Variants in TEX101 observed in about 807,000 individuals in gnomAD.
The protein encoded by TEX101 is testis-expressed protein 101.
In TEX101, 10 loss-of-function variants were observed where a neutral mutation model predicts 18.1. The observed-to-expected ratio is 0.55, with a 90% CI of 0.34 to 0.94. The LOEUF is 0.94. Among genes scored for constraint, TEX101 ranks in the 40% least tolerant of loss-of-function variants. The pLI, the probability that TEX101 is intolerant of heterozygous loss-of-function variation, is 0.02. For synonymous variants in TEX101, 94 were observed against 114.8 expected, an observed-to-expected ratio of 0.82 and a Z score of 1.16; for missense variants, 259 against 298.9, an observed-to-expected ratio of 0.87 and a Z score of 0.98.
upstream of TEX101, chr19:43,414,767 T>C: frequency 2.2e-6 from 2 of 897,902 alleles, no homozygotes; most frequent in Non-Finnish European, 2.7e-6. Flanking sequence ...AGGAATTGAC[T>C]TCTCTGTGGC....
chr19:43,396,339 C>A, the TEX101 span, among the ~76,000 whole-genome samples: 1 of 152,234 alleles, frequency 6.6e-6, no homozygotes, highest in Non-Finnish European at 1.5e-5. Flanking sequence ...CTTTTACGAT[C>A]TGAATAGCCC....
Position 43,403,083 on chromosome 19 carries a change from G to A in TEX101, c.-283+224G>A, listed in dbSNP as rs115714240. On this transcript the variant is annotated intron_variant, in intron 2 of 7. Transcript: ENST00000602198. ...TCCCATATCCCAACTGCCATCTGGC[G>A]ATAAAGAGTTCTCAGAAAGCAGAAT... 7.6e-3 allele frequency among the ~76,000 whole-genome samples: 1,160 copies of A among 152,228 alleles called. 13 individuals carry two copies. The highest frequency in any genetic ancestry group is 0.027 in the African/African-American group (1,104 of 41,536).
At chr19:43,389,223 C>G in the TEX101 span, among the ~76,000 whole-genome samples, 1 of 152,210 alleles carries the variant, frequency 6.6e-6, no homozygotes, top group East Asian at 1.9e-4. Flanking sequence ...GGGGAATGTT[C>G]TGTCTTCCCA....
At chr19:43,416,284 TG>T in intron 3 of TEX101, 42 bp downstream of exon 3, 1 of 1,589,394 alleles carries the variant, frequency 6.3e-7, no homozygotes, top group Non-Finnish European at 8.6e-7. Flanking sequence ...GGAGGGAGGT[TG>T]ATTATCTCCA....
chr19:43,391,261 C>T, the TEX101 span, among the ~76,000 whole-genome samples: 1 of 152,108 alleles, frequency 6.6e-6, no homozygotes, highest in African/African-American at 2.4e-5. Flanking sequence ...CGGAATATAC[C>T]AGAAGCCGAA....
At position 43,418,221 on chromosome 19, in the gene TEX101, A is replaced by G; in HGVS notation, c.574A>G (p.Arg192Gly). ...VKGCTAMIGC[R>G]LMSGILAVGP... ...AGGCTGTACAGCCATGATTGGCTGC[A>G]GGCTGATGTCTGGAATCTTAGCAGT... The change falls in exon 6 of 6, where the codon AGG becomes GGG. Residue 192 changes from arginine to glycine, a missense_variant. Physicochemically the swap from Arg to Gly is moderately radical, Grantham distance 125 (BLOSUM62 -2). Transcript: ENST00000598265. The G allele has an allele frequency of 1.9e-6, 3 of 1,614,184 alleles. No individual in the cohort carries two copies. The highest frequency in any genetic ancestry group is 1.1e-5 in the South Asian group (1 of 91,090).
the TEX101 span, among the ~76,000 whole-genome samples, chr19:43,393,103 GGAAA>G: frequency 6.2e-4 from 90 of 144,436 alleles, no homozygotes; most frequent in South Asian, 1.7e-3. Context: ...AAGGAAGGAA[GGAAA>G]GAAAGAAGGA....
intron 3 of TEX101, among the ~76,000 whole-genome samples, chr19:43,406,931 GTTTTTTTT>G (rs1002990799): frequency 2.6e-5 from 3 of 116,108 alleles, no homozygotes; most frequent in South Asian, 2.9e-4. Context: ...TTTGTTTTTT[GTTTTTTTT>G]TTTTTTTTTG....
At chr19:43,396,982 A>G (rs992172107), upstream of TEX101, among the ~76,000 whole-genome samples, 21 of 151,566 alleles carry the variant, frequency 1.4e-4, no homozygotes, top group Non-Finnish European at 2.5e-4. Flanking sequence ...GACTACAGGC[A>G]CCCGCCACCA....
upstream of TEX101, among the ~76,000 whole-genome samples, chr19:43,400,211 T>C (rs564723457): frequency 6.0e-4 from 92 of 152,350 alleles, no homozygotes; most frequent in Admixed American, 2.9e-3. Context: ...TCTTACTTCA[T>C]ATCTGAAATC....
chr19:43,412,200 T>C (rs894153929), upstream of TEX101, among the ~76,000 whole-genome samples: 4 of 152,112 alleles, frequency 2.6e-5, no homozygotes, highest in African/African-American at 9.7e-5. Context: ...GGTGCCAGCA[T>C]CTCCTTCTGG....
chr19:43,392,966 G>A, the TEX101 span, among the ~76,000 whole-genome samples: 1 of 152,110 alleles, frequency 6.6e-6, no homozygotes, highest in Admixed American at 6.6e-5. Flanking sequence ...GCTGAGGCAG[G>A]AGAGTCACTT....
At chr19:43,414,254 C>T (rs112497809), upstream of TEX101, among the ~76,000 whole-genome samples, 57 of 152,294 alleles carry the variant, frequency 3.7e-4, no homozygotes, top group African/African-American at 1.3e-3. Flanking sequence ...CTGACACGGA[C>T]GCGTGGGTTC....
At chr19:43,410,241 A>C (rs144634956), upstream of TEX101, among the ~76,000 whole-genome samples, 1,134 of 152,250 alleles carry the variant, frequency 7.4e-3, 14 homozygotes, top group African/African-American at 0.026. Flanking sequence ...TGCCGGCTTC[A>C]CTGAGGGCTG....
the TEX101 span, among the ~76,000 whole-genome samples, chr19:43,393,724 C>A: frequency 6.6e-6 from 1 of 151,976 alleles, no homozygotes; most frequent in Non-Finnish European, 1.5e-5. Flanking sequence ...TTAATTGAGA[C>A]AACCACAGTC....
chr19:43,406,322 ACG>A, exon 3 of TEX101: 1 of 562,206 alleles, frequency 1.8e-6, no homozygotes. Context: ...GTAATTAGTG[ACG>A]CGCGCGAATG....
At chr19:43,395,005 G>A in the TEX101 span, among the ~76,000 whole-genome samples, 2 of 152,066 alleles carry the variant, frequency 1.3e-5, no homozygotes, top group African/African-American at 4.8e-5. Flanking sequence ...TACATGCATG[G>A]GAGTTCACAG....
At chr19:43,404,767 A>AAT (rs752795947) in intron 2 of TEX101, among the ~76,000 whole-genome samples, 11 of 151,348 alleles carry the variant, frequency 7.3e-5, no homozygotes, top group African/African-American at 9.7e-5. Flanking sequence ...TGAATATATA[A>AAT]ATATATATAT....
At chr19:43,399,996 G>A (rs1425152899), upstream of TEX101, among the ~76,000 whole-genome samples, 5 of 151,898 alleles carry the variant, frequency 3.3e-5, no homozygotes, top group African/African-American at 9.7e-5. Flanking sequence ...TGCATTTTTA[G>A]TAAAGACAGG....
Sources: allele counts gnomAD v4.1 joint callset (sites outside exome capture counted in the v4.1 genomes callset), GRCh38; gene constraint gnomAD v4.1.1; transcripts MANE v1.5; gene names NCBI Gene and HGNC (gene_info 2026-07-23, HGNC 2026-07-21).